The following CAB39L variants were observed in gnomAD, a reference collection of about 807,000 sequenced individuals.
CAB39L encodes the protein calcium binding protein 39 like.
In CAB39L, 23 loss-of-function variants were observed where a neutral mutation model predicts 39.1. The observed-to-expected ratio is 0.59, with a 90% CI of 0.42 to 0.83. CAB39L has a LOEUF of 0.83. Among genes scored for constraint, CAB39L ranks in the 40% least tolerant of loss-of-function variants. The probability of loss-of-function intolerance (pLI) is 0.00; values close to 1 mark genes in which losing one functional copy is unlikely to be tolerated. For missense variants in CAB39L, 366 were observed against 391.9 expected (o/e 0.93, Z 0.56); for synonymous variants, 126 against 137.2 (o/e 0.92, Z 0.57).
intron 6 of CAB39L, among the ~76,000 whole-genome samples, chr13:49,356,525 C>A (rs1338790663): frequency 6.6e-6 from 1 of 152,156 alleles, no homozygotes; most frequent in Non-Finnish European, 1.5e-5. Flanking sequence ...ATGTTTAATA[C>A]CACATATCCA....
intron 3 of CAB39L, chr13:49,412,940 G>C (rs1051130812): frequency 2.6e-5 from 4 of 152,174 alleles, no homozygotes; most frequent in Non-Finnish European, 4.4e-5. Context: ...GTTCCTAACA[G>C]GCCATGGACA....
intron 4 of CAB39L, among the ~76,000 whole-genome samples, chr13:49,378,538 G>A (rs1286970734): frequency 1.5e-4 from 11 of 71,776 alleles, no homozygotes; most frequent in South Asian, 5.1e-4. Flanking sequence ...GAGGGAGATG[G>A]GGGGGTCAGC....
At chr13:49,345,398 T>C (rs2138442592) in intron 7 of CAB39L, among the ~76,000 whole-genome samples, 1 of 152,318 alleles carries the variant, frequency 6.6e-6, no homozygotes, top group African/African-American at 2.4e-5. Flanking sequence ...CACAACTTGA[T>C]CAACCACTGG....
intron 7 of CAB39L, 138 bp from the exon 8 acceptor site, chr13:49,344,376 G>A (rs909286488): frequency 3.4e-6 from 2 of 590,824 alleles, no homozygotes; most frequent in African/African-American, 3.8e-5. Flanking sequence ...TCCATTCCTA[G>A]CTTAGCCTAA....
Position 49,332,072 on chromosome 13 carries a change from G to C in CAB39L, c.709C>G (p.Leu237Val), listed in dbSNP as rs758847465. The C allele has an allele frequency of 1.6e-5, 26 of 1,613,800 alleles. No homozygotes were observed. The highest frequency in any genetic ancestry group is 2.1e-5 in the Non-Finnish European group (25 of 1,179,884). Reference sequence around the variant, plus strand: ...ATGATGGCAAAGTTGTGACGGTCCAGGATCAGCTCCCCTAGCAGCTAGAGG... The same window carrying C: ...ATGATGGCAAAGTTGTGACGGTCCACGATCAGCTCCCCTAGCAGCTAGAGG... ...QSLKLLGELI[L>V]DRHNFAIMTK... The change falls in exon 10 of 11, where the codon CTG becomes GTG. Residue 237 changes from leucine (L) to valine (V), a missense_variant. By Grantham distance (32) the Leu-to-Val change is conservative (BLOSUM62 1). Coordinates refer to ENST00000409308, the MANE Select transcript of CAB39L (RefSeq NM_001079670.3).
intron 6 of CAB39L, chr13:49,351,261 A>AG: frequency 1.1e-5 from 1 of 92,956 alleles, no homozygotes; most frequent in Non-Finnish European, 2.0e-5. Flanking sequence ...AGGTGACTAA[A>AG]TTGTGTGTGT....
At position 49,344,184 on chromosome 13, in the gene CAB39L, C is replaced by A; in HGVS notation, c.619G>T (p.Asp207Tyr). Residue 207 changes from aspartate to tyrosine, a missense_variant, in exon 8 of 11, where the codon GAC becomes TAC. Transcript: ENST00000409308. The stretch of plus-strand genomic sequence containing the variant: ...TAAAAATGATTTCTACTTACAGTGT[C>A]GTAATTTTGTTCTAAGAAGTCTGCT... The part of the protein sequence containing the change: ...LVADFLEQNY[D>Y]TIFEDYEKLL... 1 of 1,578,514 alleles carries A rather than the reference C, an allele frequency of 6.3e-7. No individual in the cohort carries two copies. The highest frequency in any genetic ancestry group is 8.7e-7 in the Non-Finnish European group (1 of 1,148,290).
intron 3 of CAB39L, among the ~76,000 whole-genome samples, chr13:49,388,045 C>G (rs779251279): frequency 6.6e-6 from 1 of 152,076 alleles, no homozygotes; most frequent in South Asian, 2.1e-4. Context: ...GACACAGACA[C>G]GTGCAAAATT....
intron 10 of CAB39L, among the ~76,000 whole-genome samples, chr13:49,327,261 C>T (rs990677427): frequency 2.6e-5 from 4 of 152,016 alleles, no homozygotes; most frequent in Non-Finnish European, 4.4e-5. Context: ...CCTGAGATGA[C>T]CATTATCCTG....
At chr13:49,330,162 C>T (rs1954648812) in intron 10 of CAB39L, among the ~76,000 whole-genome samples, 1 of 152,224 alleles carries the variant, frequency 6.6e-6, no homozygotes, top group Admixed American at 6.5e-5. Flanking sequence ...ACACTGTACT[C>T]AGCATAATTT....
intron 10 of CAB39L, 130 bp downstream of exon 10, chr13:49,331,817 A>T: frequency 1.2e-5 from 10 of 835,628 alleles, no homozygotes; most frequent in Non-Finnish European, 1.9e-5. Flanking sequence ...CATCTAAATC[A>T]TGCAAAACAC....
chr13:49,344,033 T>C, intron 8 of CAB39L, 146 bp downstream of exon 8: 2 of 643,484 alleles, frequency 3.1e-6, no homozygotes, highest in Non-Finnish European at 5.6e-6. Flanking sequence ...AGTTTCCTGA[T>C]GACCTGGTTT....
intron 3 of CAB39L, among the ~76,000 whole-genome samples, chr13:49,392,331 G>T (rs1257413867): frequency 6.6e-6 from 1 of 152,036 alleles, no homozygotes; most frequent in Non-Finnish European, 1.5e-5. Context: ...GGTAGAACAA[G>T]GAAGTCATTG....
intron 1 of CAB39L, among the ~76,000 whole-genome samples, chr13:49,442,787 C>CAAAAAAAA (rs71078844): frequency 9.7e-4 from 101 of 103,652 alleles, no homozygotes; most frequent in African/African-American, 2.6e-3. Context: ...GACTCCATCT[C>CAAAAAAAA]AAAAAAAAAA....
At chr13:49,340,179 G>GCC (rs1954964881) in intron 8 of CAB39L, among the ~76,000 whole-genome samples, 3 of 152,202 alleles carry the variant, frequency 2.0e-5, no homozygotes, top group African/African-American at 7.2e-5. Context: ...AAAGAACGAG[G>GCC]CAACCTTTGT....
Position 49,377,119 on chromosome 13 carries a change from C to T in CAB39L, c.124G>A (p.Val42Met). The T allele has an allele frequency of 6.2e-7, 1 of 1,613,140 alleles. No individual in the cohort carries two copies. The highest frequency in any genetic ancestry group is 1.7e-4 in the Middle Eastern group (1 of 6,044). The change falls in exon 5 of 11, where the codon GTG becomes ATG. Residue 42 changes from valine to methionine, a missense_variant. By Grantham distance (21) the Val-to-Met change is conservative. Transcript: ENST00000409308. The stretch of plus-strand genomic sequence containing the variant: ...TTCATTGCTTGCAGTGATTTAGACA[C>T]TTCTTCTGAAGCCTAGTGACCAAAA... Reference protein sequence around the residue: ...DKKTDKASEEVSKSLQAMKEI... With the variant: ...DKKTDKASEEMSKSLQAMKEI...
At chr13:49,367,913 A>G (rs1335945305) in intron 5 of CAB39L, among the ~76,000 whole-genome samples, 12 of 147,860 alleles carry the variant, frequency 8.1e-5, no homozygotes, top group African/African-American at 3.0e-4. Flanking sequence ...CCTGGGTGAC[A>G]GCGTGAGACC....
chr13:49,366,636 A>AC (rs1299174474), intron 5 of CAB39L, among the ~76,000 whole-genome samples: 14 of 150,086 alleles, frequency 9.3e-5, no homozygotes, highest in Non-Finnish European at 2.1e-4. Flanking sequence ...TAAAAAAAAA[A>AC]AAAAAAAAAA....
At chr13:49,383,016 A>C in intron 3 of CAB39L, 75 bp from the exon 4 acceptor site, 1 of 594,236 alleles carries the variant, frequency 1.7e-6, no homozygotes, top group Non-Finnish European at 2.9e-6. Flanking sequence ...AATGTCTTAT[A>C]AGTTTTCAAT....
Sources: allele counts gnomAD v4.1 joint callset (sites outside exome capture counted in the v4.1 genomes callset), GRCh38; gene constraint gnomAD v4.1.1; transcripts MANE v1.5; gene names NCBI Gene and HGNC (gene_info 2026-07-23, HGNC 2026-07-21).